AKAP6: variants seen among roughly 807,000 people sequenced by gnomAD.
The protein encoded by AKAP6 is A-kinase anchor protein 6.
A neutral mutation model predicts 188.5 loss-of-function variants in AKAP6; 58 were observed. That is an observed-to-expected ratio of 0.31 (90% CI 0.25 to 0.38). The LOEUF (loss-of-function observed/expected upper bound fraction) is 0.38, where lower values mean the gene tolerates loss of function less well. Among genes scored for constraint, AKAP6 ranks in the 10% least tolerant of loss-of-function variants. The probability of loss-of-function intolerance (pLI) is 1.00; values close to 1 mark genes in which losing one functional copy is unlikely to be tolerated. For synonymous variants in AKAP6, 989 were observed against 998.6 expected (o/e 0.99, Z 0.18); for missense variants, 2,710 against 2,740.0 (o/e 0.99, Z 0.24).
intron 4 of AKAP6, among the ~76,000 whole-genome samples, 186 bp from the exon 5 acceptor site, chr14:32,576,934 G>T (rs1884745175): frequency 6.6e-6 from 1 of 152,092 alleles, no homozygotes; most frequent in African/African-American, 2.4e-5. Context: ...TTCCCATTTT[G>T]GTAAGAGTTC....
intron 8 of AKAP6, among the ~76,000 whole-genome samples, chr14:32,683,569 T>C (rs2139655814): frequency 6.6e-6 from 1 of 152,300 alleles, no homozygotes; most frequent in East Asian, 1.9e-4. Flanking sequence ...ACCTATTAAG[T>C]GCAGGCTGTG....
At chr14:32,352,552 A>G (rs1441760603) in intron 1 of AKAP6, among the ~76,000 whole-genome samples, 2 of 151,866 alleles carry the variant, frequency 1.3e-5, no homozygotes, top group Admixed American at 6.6e-5. Context: ...ATCTCCCTCC[A>G]TCTCTCCCTC....
At chr14:32,353,875 A>C (rs1165765030) in intron 1 of AKAP6, among the ~76,000 whole-genome samples, 1 of 152,162 alleles carries the variant, frequency 6.6e-6, no homozygotes, top group African/African-American at 2.4e-5. Flanking sequence ...CAAAGAGAAT[A>C]AAATACCTAG....
At chr14:32,798,746 G>A (rs1395425735) in intron 12 of AKAP6, among the ~76,000 whole-genome samples, 1 of 151,890 alleles carries the variant, frequency 6.6e-6, no homozygotes, top group Non-Finnish European at 1.5e-5. Flanking sequence ...GAAGAGGGTA[G>A]AATAAAAAAA....
At chr14:32,690,930 T>C (rs1290342877) in intron 8 of AKAP6, among the ~76,000 whole-genome samples, 1 of 152,192 alleles carries the variant, frequency 6.6e-6, no homozygotes, top group African/African-American at 2.4e-5. Context: ...TATAACACTT[T>C]CATAGAGTAT....
At chr14:32,645,176 A>T (rs1025281838) in intron 7 of AKAP6, among the ~76,000 whole-genome samples, 1 of 152,168 alleles carries the variant, frequency 6.6e-6, no homozygotes, top group Non-Finnish European at 1.5e-5. Flanking sequence ...TGTATATAGG[A>T]AAATTAGGTT....
At chr14:32,696,248 A>G (rs1056458891) in intron 9 of AKAP6, 138 bp downstream of exon 9, 26 of 1,153,662 alleles carry the variant, frequency 2.3e-5, no homozygotes, top group Non-Finnish European at 3.0e-5. Context: ...CCTGTCCCCA[A>G]ACTCATTTCC....
intron 8 of AKAP6, among the ~76,000 whole-genome samples, chr14:32,694,770 T>C (rs538283129): frequency 6.6e-6 from 1 of 152,070 alleles, no homozygotes; most frequent in South Asian, 2.1e-4. Flanking sequence ...GACAGATCTA[T>C]TAAGATTAAA....
chr14:32,812,942 T>C (rs2034274626), intron 12 of AKAP6, among the ~76,000 whole-genome samples: 1 of 152,232 alleles, frequency 6.6e-6, no homozygotes, highest in Non-Finnish European at 1.5e-5. Flanking sequence ...ACCAAGCTAC[T>C]GTCTGCTCTC....
intron 13 of AKAP6, 123 bp downstream of exon 13, chr14:32,824,938 T>C: frequency 1.5e-6 from 1 of 660,180 alleles, no homozygotes; most frequent in East Asian, 2.9e-5. Context: ...GAATAAGACA[T>C]TTAGGTAGAA....
At chr14:32,553,508 A>G (rs1011322327) in intron 4 of AKAP6, among the ~76,000 whole-genome samples, 1 of 152,076 alleles carries the variant, frequency 6.6e-6, no homozygotes, top group Non-Finnish European at 1.5e-5. Context: ...TGATTTTTGG[A>G]TAATATATTC....
rs1889524379 is a variant in AKAP6, at chr14:32,678,356, G to A, written c.2776G>A (p.Glu926Lys). ...CCTGGAAGCACAAAGAGATGCTGTT[G>A]AGCAGATGTCCCTCAAGCTGTACAG... ...CYLEAQRDAV[E>K]QMSLKLYSEQ... The change falls in exon 8 of 14, where the codon GAG becomes AAG. Residue 926 changes from glutamate to lysine, a missense_variant. Coordinates refer to ENST00000280979, the MANE Select transcript of AKAP6 (RefSeq NM_004274.5). The A allele has an allele frequency of 6.2e-7, 1 of 1,613,712 alleles. No homozygotes were observed.
chr14:32,427,510 G>T (rs10132281), intron 1 of AKAP6, among the ~76,000 whole-genome samples: 23,409 of 152,158 alleles, frequency 0.15, 2,601 homozygotes, highest in African/African-American at 0.3. Flanking sequence ...AGGTAGGCAG[G>T]CAGCAAGATT....
chr14:32,536,413 A>G (rs1452129050), intron 3 of AKAP6, among the ~76,000 whole-genome samples: 1 of 152,250 alleles, frequency 6.6e-6, no homozygotes, highest in African/African-American at 2.4e-5. Flanking sequence ...TGGCAGGCCC[A>G]GAGAGCTGCC....
intron 1 of AKAP6, among the ~76,000 whole-genome samples, chr14:32,340,376 T>A (rs983111677): frequency 1.3e-5 from 2 of 152,214 alleles, no homozygotes; most frequent in Non-Finnish European, 2.9e-5. Flanking sequence ...GTTATTCTAA[T>A]CTATTTCAGA....
intron 1 of AKAP6, among the ~76,000 whole-genome samples, chr14:32,334,950 A>G (rs1270702560): frequency 2.0e-5 from 3 of 151,834 alleles, no homozygotes; most frequent in Non-Finnish European, 4.4e-5. Flanking sequence ...CCTTTATTTT[A>G]TTTTCAGATT....
chr14:32,629,935 A>T (rs1380898149), intron 7 of AKAP6, among the ~76,000 whole-genome samples: 1 of 152,108 alleles, frequency 6.6e-6, no homozygotes, highest in Non-Finnish European at 1.5e-5. Context: ...AAGAATGATA[A>T]TACTCTGCCA....
intron 1 of AKAP6, among the ~76,000 whole-genome samples, chr14:32,401,815 G>C (rs898729783): frequency 6.6e-6 from 1 of 152,124 alleles, no homozygotes; most frequent in Non-Finnish European, 1.5e-5. Context: ...TGTATTTTTG[G>C]TGGAAAGAAT....
Position 32,754,538 on chromosome 14 carries a change from T to C in AKAP6, c.3372+18656T>C, listed in dbSNP as rs532118807. Among the ~76,000 whole-genome samples, 3 of 152,330 alleles carry C rather than the reference T, an allele frequency of 2.0e-5. No homozygotes were observed. In the East Asian group the frequency reaches 5.8e-4, roughly 29 times the overall value. ...TTATACTAGAGTTACAAGTGATTTA[T>C]GCACCACCACTTTATTGGAATATTC... On this transcript the variant is annotated intron_variant, in intron 11 of 13. Transcript: ENST00000280979.
Sources: allele counts gnomAD v4.1 joint callset (sites outside exome capture counted in the v4.1 genomes callset), GRCh38; gene constraint gnomAD v4.1.1; transcripts MANE v1.5; gene names NCBI Gene and HGNC (gene_info 2026-07-23, HGNC 2026-07-21).